The following AGBL5 variants were observed in gnomAD, a reference collection of about 807,000 sequenced individuals.
AGBL5 encodes the protein AGBL carboxypeptidase 5, also known as cytosolic carboxypeptidase-like protein 5.
AGBL5 carries 51 observed loss-of-function variants against 88.0 expected under a neutral mutation model. The observed-to-expected ratio is 0.58, with a 90% CI of 0.46 to 0.73. The LOEUF (loss-of-function observed/expected upper bound fraction) is 0.73, where lower values mean the gene tolerates loss of function less well. Ranked by LOEUF, AGBL5 falls within the 30% of genes least tolerant of loss-of-function variation. AGBL5 has a pLI of 0.00. For missense variants in AGBL5, 1,031 were observed against 1,162.2 expected, an observed-to-expected ratio of 0.89 and a Z score of 1.64; for synonymous variants, 446 against 438.8, an observed-to-expected ratio of 1.02 and a Z score of -0.21.
In AGBL5 at chr2:27,070,342, C is replaced by A; in HGVS notation, c.*79C>A. The A allele has an allele frequency of 6.9e-7, 1 of 1,455,860 alleles. No individual in the cohort carries two copies. Among genetic ancestry groups the A allele is most frequent in the Non-Finnish European group, 9.6e-7 (1 of 1,046,402 alleles). 90.2% of individuals were successfully genotyped at this position (1,455,860 alleles called of 1,614,324 possible). ...GAAATATGCTAGTTCCCCTCCAGGC[C>A]GCTGATTCCATGTGACAGCCGTTAA... On this transcript the variant is annotated 3_prime_UTR_variant, in exon 15 of 15. Transcript: ENST00000360131.
At position 27,053,325 on chromosome 2, in the gene AGBL5, G is replaced by T; in HGVS notation, c.216-77G>T. ...TGCCAAATAGCCCTTTCCCAGTTTG[G>T]CTGGCTCCGGCTCTCCCACAGACCA... On this transcript the variant is annotated intron_variant, in intron 2 of 14. Transcript: ENST00000360131. This position sits in a 1 kb window ranked among gnomAD's most constrained non-coding sequence, Gnocchi z 4.9. The T allele has an allele frequency of 6.4e-7, 1 of 1,554,052 alleles. No homozygotes were observed. The highest frequency in any genetic ancestry group is 8.7e-7 in the Non-Finnish European group (1 of 1,147,352).
In AGBL5 at chr2:27,054,670, T is replaced by C; in HGVS notation, c.592T>C (p.Tyr198His). The change falls in exon 5 of 15, where the codon TAT (tyrosine) becomes CAT (histidine). Residue 198 changes from tyrosine (Y) to histidine (H), a missense_variant. By Grantham distance (83) the Tyr-to-His change is moderately conservative. Coordinates refer to ENST00000360131, the MANE Select transcript of AGBL5 (RefSeq NM_021831.6). ...TIYYHRELLC[Y>H]SLDGLRVDLL... ...CTATTACCATCGGGAGCTCCTTTGC[T>C]ATTCTCTGGATGGACTTCGTGTAGA... 6 of 1,614,158 alleles carry C rather than the reference T, an allele frequency of 3.7e-6. No individual in the cohort carries two copies. The highest frequency in any genetic ancestry group is 2.5e-6 in the Non-Finnish European group (3 of 1,180,014).
upstream of AGBL5, among the ~76,000 whole-genome samples, chr2:27,050,763 G>A (rs1014373954): frequency 2.6e-5 from 4 of 152,032 alleles, no homozygotes; most frequent in South Asian, 2.1e-4. Flanking sequence ...GCTATCAGCA[G>A]CATCTTATCG....
In AGBL5 at chr2:27,053,084, G is replaced by C; in HGVS notation, c.126G>C (p.Leu42=). ...GGGTAGGAGGTGGGGCGTCAGCCCT[G>C]ACCAGTGGCATTGCCTCTTCCCCTG... is the stretch of plus-strand genomic sequence containing the variant. ...GEGVGGGASA[L]TSGIASSPDY... The change falls in exon 2 of 15, where the codon CTG becomes CTC. Residue 42 remains leucine (L), a synonymous_variant. Transcript: ENST00000360131. This position sits in a 1 kb window ranked among gnomAD's most constrained non-coding sequence, Gnocchi z 4.9. The C allele has an allele frequency of 6.2e-7, 1 of 1,613,554 alleles. No homozygotes were observed. Among genetic ancestry groups the C allele is most frequent in the African/African-American group, 1.3e-5 (1 of 75,040 alleles).
At chr2:27,051,242 C>T (rs994570961), upstream of AGBL5, among the ~76,000 whole-genome samples, 2 of 152,160 alleles carry the variant, frequency 1.3e-5, no homozygotes, top group South Asian at 2.1e-4. Context: ...GTAGAGCGCT[C>T]GCTTAGCATG....
chr2:27,068,948 T>A (rs574369343), intron 13 of AGBL5: 1 of 1,495,612 alleles, frequency 6.7e-7, no homozygotes, highest in South Asian at 1.2e-5. Flanking sequence ...GTCATTTGCT[T>A]GCTTTCAACC....
In AGBL5 at chr2:27,058,627, G is replaced by C. The variant is rs375576562; in HGVS notation, c.1874+25G>C. ...AGTAAGGCCAGCAAAATAGGAGGGA[G>C]AAAGGGTAGGACAGTGGGACAGGGC... On this transcript the variant is annotated intron_variant, in intron 10 of 14. Transcript: ENST00000360131. The C allele has an allele frequency of 1.9e-6, 3 of 1,610,852 alleles. No homozygotes were observed. The East Asian group carries it at 6.7e-5, about 36-fold the overall frequency.
chr2:27,057,074 C>T, intron 8 of AGBL5: 1 of 550,630 alleles, frequency 1.8e-6, no homozygotes, highest in Admixed American at 3.6e-5. Flanking sequence ...TAAAAGAGAA[C>T]CTCACAATTA....
chr2:27,069,734 C>T (rs1193079535), intron 14 of AGBL5, 28 bp downstream of exon 14: 8 of 1,595,664 alleles, frequency 5.0e-6, no homozygotes, highest in Non-Finnish European at 2.6e-6. Flanking sequence ...GTCCCTCACA[C>T]CACCCCTCAC....
intron 11 of AGBL5, chr2:27,062,940 C>T (rs1008109205): frequency 1.2e-4 from 18 of 152,190 alleles, no homozygotes; most frequent in African/African-American, 4.1e-4. Flanking sequence ...ATGAGCTTAA[C>T]TGAGACAATG....
At chr2:27,061,887 A>G (rs1038194026) in intron 11 of AGBL5, 1 of 151,384 alleles carries the variant, frequency 6.6e-6, no homozygotes, top group Non-Finnish European at 1.5e-5. Flanking sequence ...ATCTCGGCTC[A>G]CTGCAGCCTC....
intron 11 of AGBL5, among the ~76,000 whole-genome samples, chr2:27,061,438 C>T (rs1445066366): frequency 3.3e-5 from 5 of 151,994 alleles, no homozygotes; most frequent in African/African-American, 9.7e-5. Flanking sequence ...GGTTTCACCA[C>T]GTTGGTCAGG....
intron 13 of AGBL5, 186 bp from the exon 14 acceptor site, chr2:27,069,387 A>C (rs1048464841): frequency 2.0e-6 from 2 of 985,288 alleles, no homozygotes; most frequent in Non-Finnish European, 2.4e-6. Context: ...GTGCATAGTC[A>C]TGGACTGAAT....
Position 27,053,688 on chromosome 2 carries a change from A to G in AGBL5, c.387+115A>G. 7.0e-7 allele frequency: 1 copy of G among 1,431,666 alleles called. No individual in the cohort carries two copies. Among genetic ancestry groups the G allele is most frequent in the African/African-American group, 1.4e-5 (1 of 69,612 alleles). 88.7% of individuals were successfully genotyped at this position (1,431,666 alleles called of 1,614,324 possible). A position where few individuals can be genotyped will look rare whatever the true frequency, so the allele number is the denominator to read the frequency against. On this transcript the variant is annotated intron_variant, in intron 3 of 14. Transcript: ENST00000360131. This position sits in a 1 kb window ranked among gnomAD's most constrained non-coding sequence, Gnocchi z 4.9. ...AGCAGGTGGGACAACAGGTTTAAGT[A>G]TCAGCTTTTTCTCCAGTGTTAGCTA...
chr2:27,068,222 G>C (rs894726786), intron 12 of AGBL5, among the ~76,000 whole-genome samples: 3 of 152,136 alleles, frequency 2.0e-5, no homozygotes, highest in Admixed American at 2.0e-4. Context: ...CCAGTCCTGG[G>C]TAGAGCTGAC....
intron 11 of AGBL5, among the ~76,000 whole-genome samples, chr2:27,059,995 A>T (rs1239913762): frequency 6.6e-6 from 1 of 152,208 alleles, no homozygotes; most frequent in East Asian, 1.9e-4. Context: ...TTAAAAATAC[A>T]AAAATGAGCC....
intron 11 of AGBL5, among the ~76,000 whole-genome samples, chr2:27,062,273 A>G (rs905996338): frequency 6.6e-6 from 1 of 151,524 alleles, no homozygotes; most frequent in African/African-American, 2.4e-5. Context: ...ACAGGGATGC[A>G]CCACCACACC....
In AGBL5 at chr2:27,053,544, G is replaced by A; in HGVS notation, c.358G>A (p.Glu120Lys). 1.9e-6 allele frequency: 3 copies of A among 1,613,748 alleles called. No homozygotes were observed. The highest frequency in any genetic ancestry group is 2.5e-6 in the Non-Finnish European group (3 of 1,179,910). ...VRTLPTRPRW[E>K]RIRDRPTFEM... ...CACACTGCCCACCCGGCCACGCTGG[G>A]AACGCATTCGAGACCGGCCCACCTT... Residue 120 changes from glutamate to lysine, a missense_variant, in exon 3 of 15, where the codon GAA (glutamate) becomes AAA (lysine). By Grantham distance (56) the Glu-to-Lys change is moderately conservative (BLOSUM62 1). Transcript: ENST00000360131. This position sits in a 1 kb window ranked among gnomAD's most constrained non-coding sequence, Gnocchi z 4.9.
At chr2:27,067,713 A>G (rs1357525100) in intron 12 of AGBL5, 67 bp downstream of exon 12, 1 of 1,594,008 alleles carries the variant, frequency 6.3e-7, no homozygotes, top group Non-Finnish European at 8.6e-7. Context: ...AGGTTCTTTA[A>G]GCCTAGTTGG....
Sources: gnomAD v4.1 joint callset for allele counts (sites outside exome capture counted in the v4.1 genomes callset) on GRCh38, gnomAD v4.1.1 for gene constraint, Gnocchi (gnomAD v3.1) non-coding constraint, MANE v1.5 for transcripts, NCBI Gene and HGNC (gene_info 2026-07-23, HGNC 2026-07-21) for gene names.